The following COBLL1 variants were observed in gnomAD, a reference collection of about 807,000 sequenced individuals.
The protein encoded by COBLL1 is cordon-bleu protein-like 1.
In COBLL1, 50 loss-of-function variants were observed where a neutral mutation model predicts 94.8. The ratio of observed to expected loss-of-function variants is 0.53; its 90% CI spans 0.42 to 0.67. The LOEUF (loss-of-function observed/expected upper bound fraction) is 0.67. COBLL1 is among the 30% of genes least tolerant of loss of function. COBLL1 has a pLI of 0.00. For missense variants in COBLL1, 1,362 were observed against 1,348.7 expected (o/e 1.01, Z -0.15); for synonymous variants, 448 against 473.8 (o/e 0.95, Z 0.71).
intron 2 of COBLL1, among the ~76,000 whole-genome samples, chr2:164,754,821 T>C (rs1687312056): frequency 6.6e-6 from 1 of 152,184 alleles, no homozygotes; most frequent in East Asian, 1.9e-4. Context: ...TAATTAGCTA[T>C]GATGATCTAT....
At chr2:164,686,253 C>G (rs1001141013) in intron 13 of COBLL1, among the ~76,000 whole-genome samples, 1 of 150,284 alleles carries the variant, frequency 6.7e-6, no homozygotes, top group Non-Finnish European at 1.5e-5. Flanking sequence ...AATCCATTAA[C>G]ACATCTTAAT....
intron 13 of COBLL1, chr2:164,687,240 GAATTTAT>G (rs1683346259): frequency 2.7e-6 from 1 of 377,342 alleles, no homozygotes; most frequent in Non-Finnish European, 4.7e-6. Flanking sequence ...AGAGGAAGTA[GAATTTAT>G]TGGTTAGTAT....
At position 164,705,097 on chromosome 2, in the gene COBLL1, A is replaced by G. The variant is rs1346789296; in HGVS notation, c.1005T>C (p.Cys335=). The G allele has an allele frequency of 6.6e-7, 1 of 1,523,936 alleles. No homozygotes were observed. Among genetic ancestry groups the G allele is most frequent in the Admixed American group, 2.3e-5 (1 of 43,234 alleles). 94.4% of individuals were successfully genotyped at this position (1,523,936 alleles called of 1,614,324 possible). A position where few individuals can be genotyped will look rare whatever the true frequency, so the allele number is the denominator to read the frequency against. Residue 335 remains cysteine (C), a synonymous_variant, in exon 8 of 14, where the codon TGT becomes TGC. Transcript: ENST00000652658. The part of the protein sequence containing the change: ...MSVDETDKSP[C]EAGRVRAGSL... Reference sequence around the variant, plus strand: ...AACCTGCCCTCACTCTTCCTGCTTCACAGGGACTCTGGAAAACAAAATGAC... The same window carrying G: ...AACCTGCCCTCACTCTTCCTGCTTCGCAGGGACTCTGGAAAACAAAATGAC...
chr2:164,743,018 C>CT (rs1384644060), intron 3 of COBLL1, among the ~76,000 whole-genome samples: 1 of 152,064 alleles, frequency 6.6e-6, no homozygotes, highest in African/African-American at 2.4e-5. Context: ...TTACACTTGG[C>CT]TTTTTTCCAT....
intron 2 of COBLL1, among the ~76,000 whole-genome samples, chr2:164,835,061 A>G (rs915400328): frequency 2.1e-5 from 2 of 94,544 alleles, no homozygotes; most frequent in South Asian, 5.7e-4. Context: ...CAACCACTGT[A>G]AAAAAAAACA....
At chr2:164,703,241 G>A (rs757489274) in intron 9 of COBLL1, 50 of 1,529,686 alleles carry the variant, frequency 3.3e-5, no homozygotes, top group Non-Finnish European at 3.9e-5. Flanking sequence ...AGTAGAATCT[G>A]TAGAAATGGC....
intron 2 of COBLL1, among the ~76,000 whole-genome samples, chr2:164,801,232 G>A (rs1037899433): frequency 1.3e-5 from 2 of 151,626 alleles, no homozygotes; most frequent in Non-Finnish European, 2.9e-5. Flanking sequence ...GAGGTCAGGA[G>A]ATCGAGACCA....
chr2:164,815,709 A>G (rs62175563), intron 2 of COBLL1, among the ~76,000 whole-genome samples: 17,869 of 152,182 alleles, frequency 0.12, 1,400 homozygotes, highest in Admixed American at 0.18. Context: ...CAAACAAAGT[A>G]TTACCATTAT....
At chr2:164,797,918 T>C (rs1683554590) in intron 2 of COBLL1, among the ~76,000 whole-genome samples, 1 of 152,222 alleles carries the variant, frequency 6.6e-6, no homozygotes, top group Non-Finnish European at 1.5e-5. Context: ...TGAAACTATG[T>C]AACACTATCT....
chr2:164,806,741 C>T (rs1684175813), intron 2 of COBLL1, among the ~76,000 whole-genome samples: 1 of 152,010 alleles, frequency 6.6e-6, no homozygotes, highest in Non-Finnish European at 1.5e-5. Flanking sequence ...ACTCTGTCAC[C>T]CAACCTGTGG....
At chr2:164,793,183 T>G (rs1050359466) in intron 2 of COBLL1, among the ~76,000 whole-genome samples, 1 of 152,146 alleles carries the variant, frequency 6.6e-6, no homozygotes. Flanking sequence ...AACACCCAAT[T>G]TATTCCTTGT....
intron 2 of COBLL1, among the ~76,000 whole-genome samples, chr2:164,762,204 C>T (rs1687717184): frequency 6.6e-6 from 1 of 152,166 alleles, no homozygotes; most frequent in Non-Finnish European, 1.5e-5. Flanking sequence ...TTAATCCTTC[C>T]TTATAGGGCT....
intron 1 of COBLL1, among the ~76,000 whole-genome samples, chr2:164,666,629 G>A (rs1323927626): frequency 6.6e-6 from 1 of 152,174 alleles, no homozygotes; most frequent in African/African-American, 2.4e-5. Context: ...CAAAATTTGA[G>A]TCAGTCTTCT....
chr2:164,773,401 T>G (rs355860), intron 2 of COBLL1, among the ~76,000 whole-genome samples: 35,464 of 152,048 alleles, frequency 0.23, 4,791 homozygotes, highest in African/African-American at 0.37. Flanking sequence ...ATACACACAG[T>G]TTAATGGATT....
chr2:164,687,087 A>G (rs1683333883), intron 13 of COBLL1, among the ~76,000 whole-genome samples: 1 of 152,184 alleles, frequency 6.6e-6, no homozygotes, highest in Non-Finnish European at 1.5e-5. Context: ...GACGCTACAC[A>G]CCTAAAAGGA....
chr2:164,742,036 GA>G (rs1686625025), intron 3 of COBLL1, among the ~76,000 whole-genome samples: 1 of 152,120 alleles, frequency 6.6e-6, no homozygotes, highest in Admixed American at 6.6e-5. Context: ...GTGGAAACAG[GA>G]AAGTTGACCA....
intron 1 of COBLL1, among the ~76,000 whole-genome samples, chr2:164,674,543 GTAA>G (rs1042731353): frequency 1.3e-5 from 2 of 152,096 alleles, no homozygotes; most frequent in Non-Finnish European, 2.9e-5. Flanking sequence ...TAAGACAGAG[GTAA>G]TAATAATACC....
At chr2:164,748,842 T>C (rs1686993154) in intron 2 of COBLL1, among the ~76,000 whole-genome samples, 1 of 152,204 alleles carries the variant, frequency 6.6e-6, no homozygotes. Context: ...AGTAAATTAT[T>C]GCTTATGCAA....
At chr2:164,780,854 G>C (rs1409084735) in intron 2 of COBLL1, among the ~76,000 whole-genome samples, 2 of 152,168 alleles carry the variant, frequency 1.3e-5, no homozygotes, top group Non-Finnish European at 2.9e-5. Flanking sequence ...CTGTCGCCTT[G>C]TGAGGTCTCT....
Sources: gnomAD v4.1 joint callset for allele counts (sites outside exome capture counted in the v4.1 genomes callset) on GRCh38, gnomAD v4.1.1 for gene constraint, MANE v1.5 for transcripts, NCBI Gene and HGNC (gene_info 2026-07-23, HGNC 2026-07-21) for gene names.